Variants in DNAH11 observed in about 807,000 individuals in gnomAD.
DNAH11 encodes the protein axonemal beta dynein heavy chain 11.
A neutral mutation model predicts 526.0 loss-of-function variants in DNAH11; 442 were observed. The ratio of observed to expected loss-of-function variants is 0.84; its 90% confidence interval spans 0.78 to 0.91. The LOEUF (loss-of-function observed/expected upper bound fraction) is 0.91, where lower values mean the gene tolerates loss of function less well. Ranked by LOEUF, DNAH11 falls within the 40% of genes least tolerant of loss-of-function variation. The pLI is 0.00. For missense variants in DNAH11, 6,989 were observed against 5,448.7 expected, an observed-to-expected ratio of 1.28 and a Z score of -8.90; for synonymous variants, 2,461 against 1,935.9, an observed-to-expected ratio of 1.27 and a Z score of -7.12.
Position 21,687,234 on chromosome 7 carries a change from T to C in DNAH11, c.5757T>C (p.Cys1919=), listed in dbSNP as rs768387846. ...GCATGATGGTCTATGTATTCAACTG[T>C]TCAGAGCAAATGGACTACAAAGTAA... ...ALGMMVYVFN[C]SEQMDYKSIG... The change falls in exon 33 of 82, where the codon TGT becomes TGC. Residue 1919 remains cysteine (C), a synonymous_variant. Transcript: ENST00000409508. The C allele has an allele frequency of 1.3e-6, 2 of 1,594,454 alleles. No individual in the cohort carries two copies. Among genetic ancestry groups the C allele is most frequent in the East Asian group, 4.5e-5 (2 of 44,678 alleles).
At chr7:21,724,587 C>G (rs2214932) in intron 44 of DNAH11, among the ~76,000 whole-genome samples, 91,325 of 150,650 alleles carry the variant, frequency 0.61, 27,271 homozygotes, top group East Asian at 0.8. Context: ...GGAGTCACTG[C>G]GCCAGGTCTC....
chr7:21,824,413 A>G (rs996454642), intron 65 of DNAH11, among the ~76,000 whole-genome samples: 3 of 152,100 alleles, frequency 2.0e-5, no homozygotes, highest in African/African-American at 7.2e-5. Context: ...CATAGTAAAT[A>G]TTATTTACTT....
intron 36 of DNAH11, among the ~76,000 whole-genome samples, chr7:21,699,369 A>G (rs1783973815): frequency 6.6e-6 from 1 of 152,190 alleles, no homozygotes; most frequent in African/African-American, 2.4e-5. Flanking sequence ...TTACATATAT[A>G]TCAGCATCAA....
In DNAH11 at chr7:21,717,783, C is replaced by G. The variant is rs1389747018; in HGVS notation, c.6992C>G (p.Ala2331Gly). 1.9e-6 allele frequency: 3 copies of G among 1,613,482 alleles called. No individual in the cohort carries two copies. The highest frequency in any genetic ancestry group is 1.7e-5 in the Admixed American group (1 of 59,922). Residue 2331 changes from alanine (A) to glycine (G), a missense_variant, in exon 43 of 82, where the codon GCC becomes GGC. By Grantham distance (60) the Ala-to-Gly change is moderately conservative (BLOSUM62 0). Transcript: ENST00000409508. The stretch of plus-strand genomic sequence containing the variant: ...TCTGTGTTCCTTTTCAGGTATGTGG[C>G]CAGTTGGATAGACAGAAGGCGGCAT... ...PQDLGWNPYV[A>G]SWIDRRRHQS...
At chr7:21,788,549 A>C (rs1350497103) in intron 60 of DNAH11, among the ~76,000 whole-genome samples, 1 of 152,140 alleles carries the variant, frequency 6.6e-6, no homozygotes, top group Non-Finnish European at 1.5e-5. Flanking sequence ...AAAATAGGAA[A>C]GAAAATTTAA....
intron 29 of DNAH11, 48 bp downstream of exon 29, chr7:21,656,029 A>G (rs759554936): frequency 2.4e-5 from 36 of 1,514,326 alleles, no homozygotes; most frequent in Non-Finnish European, 3.1e-5. Context: ...TATTTTCAGC[A>G]TGCTCTTAGA....
intron 30 of DNAH11, among the ~76,000 whole-genome samples, chr7:21,678,267 C>A (rs1782987544): frequency 6.6e-6 from 1 of 151,350 alleles, no homozygotes; most frequent in Admixed American, 6.6e-5. Flanking sequence ...TGTAAGGGTC[C>A]AATTTCGTTC....
chr7:21,894,047 CCTGG>C (rs1784420879), intron 77 of DNAH11, among the ~76,000 whole-genome samples: 2 of 152,144 alleles, frequency 1.3e-5, no homozygotes, highest in Admixed American at 6.5e-5. Flanking sequence ...CTCCAACATG[CCTGG>C]CTAATTTTTA....
rs1442923634 is a variant in DNAH11 at position 21,880,987 on chromosome 7, A to C, written c.12387+94A>C. ...AAATTGACCATAATTTCTCTTTTGA[A>C]GCTATTATTGAAATAGCTGACACTA... On this transcript the variant is annotated intron_variant, in intron 75 of 81. Transcript: ENST00000409508. 8 of 1,190,744 alleles carry C rather than the reference A, an allele frequency of 6.7e-6. No homozygotes were observed. In the East Asian group the frequency reaches 1.8e-4, roughly 27 times the overall value. 73.8% of individuals were successfully genotyped at this position (1,190,744 alleles called of 1,614,324 possible).
At chr7:21,702,477 A>G (rs766130826) in intron 36 of DNAH11, among the ~76,000 whole-genome samples, 1 of 151,808 alleles carries the variant, frequency 6.6e-6, no homozygotes, top group Non-Finnish European at 1.5e-5. Flanking sequence ...GTTAAGCGCT[A>G]TGGAAAGAAG....
chr7:21,892,701 G>T, intron 77 of DNAH11, 34 bp downstream of exon 77: 1 of 1,538,236 alleles, frequency 6.5e-7, no homozygotes. Flanking sequence ...CTTTTTCATT[G>T]AAGTATAACT....
At chr7:21,880,664 C>T in intron 74 of DNAH11, 38 bp from the exon 75 acceptor site, 3 of 1,609,080 alleles carry the variant, frequency 1.9e-6, no homozygotes, top group Non-Finnish European at 1.7e-6. Context: ...GGAAACCATA[C>T]AGATGGATAA....
intron 1 of DNAH11, among the ~76,000 whole-genome samples, chr7:21,544,572 T>C (rs1175553897): frequency 6.6e-6 from 1 of 152,222 alleles, no homozygotes; most frequent in African/African-American, 2.4e-5. Context: ...GGTTATACGG[T>C]TCTATTCTTT....
In DNAH11 at chr7:21,842,633, C is replaced by A. The variant is rs770336845; in HGVS notation, c.10781C>A (p.Pro3594Gln). Residue 3594 changes from proline (P) to glutamine (Q), a missense_variant, in exon 66 of 82, where the codon CCG (proline) becomes CAG (glutamine). Pro to Gln is a moderately conservative substitution (Grantham distance 76). Coordinates refer to ENST00000409508, the MANE Select transcript of DNAH11 (RefSeq NM_001277115.2). ...AAATTGGCAAATCCTCACTATAAGC[C>A]GGAATTACAAGCTCAGACAACTCTC... is the stretch of plus-strand genomic sequence containing the variant. ...HTKLANPHYK[P>Q]ELQAQTTLLN... 4.3e-6 allele frequency: 7 copies of A among 1,613,766 alleles called. No individual in the cohort carries two copies. The highest frequency in any genetic ancestry group is 5.9e-6 in the Non-Finnish European group (7 of 1,179,876).
intron 25 of DNAH11, among the ~76,000 whole-genome samples, chr7:21,620,384 C>A (rs1208068415): frequency 6.6e-6 from 1 of 152,020 alleles, no homozygotes; most frequent in Non-Finnish European, 1.5e-5. Context: ...GCTCCTCTTG[C>A]CCCCTCCCCC....
chr7:21,800,653 C>T (rs373342155), intron 61 of DNAH11, among the ~76,000 whole-genome samples: 7 of 152,122 alleles, frequency 4.6e-5, no homozygotes, highest in East Asian at 1.9e-4. Context: ...AAGAAAAATC[C>T]GATTGGCGAA....
chr7:21,657,871 C>G (rs900039445), intron 29 of DNAH11, among the ~76,000 whole-genome samples: 3 of 152,168 alleles, frequency 2.0e-5, no homozygotes, highest in Admixed American at 6.6e-5. Flanking sequence ...AACCACTTAT[C>G]ACTCCATTCC....
chr7:21,898,076 A>C (rs868572313), intron 79 of DNAH11, among the ~76,000 whole-genome samples: 1 of 151,802 alleles, frequency 6.6e-6, no homozygotes, highest in African/African-American at 2.4e-5. Context: ...TTTCCTTACT[A>C]TTTCCTACCT....
In DNAH11 at chr7:21,617,603, C is replaced by G; in HGVS notation, c.4096-16C>G. 6.2e-7 allele frequency: 1 copy of G among 1,613,140 alleles called. No individual in the cohort carries two copies. Among genetic ancestry groups the G allele is most frequent in the Non-Finnish European group, 8.5e-7 (1 of 1,179,528 alleles). ...TATATCTTGGGAGCTAGGTTTTTTC[C>G]TCCACTTTTCTTTAGGAAATTTGGT... is the stretch of plus-strand genomic sequence containing the variant. On this transcript the variant is annotated splice_polypyrimidine_tract_variant and intron_variant, in intron 22 of 81. Coordinates refer to ENST00000409508, the MANE Select transcript of DNAH11 (RefSeq NM_001277115.2).
Sources: allele counts gnomAD v4.1 joint callset (sites outside exome capture counted in the v4.1 genomes callset), GRCh38; gene constraint gnomAD v4.1.1; transcripts MANE v1.5; gene names NCBI Gene and HGNC (gene_info 2026-07-23, HGNC 2026-07-21).